The following KLF12 variants were observed in gnomAD, a reference collection of about 807,000 sequenced individuals.
The protein encoded by KLF12 is KLF transcription factor 12, also known as Krueppel-like factor 12.
KLF12 carries 9 observed loss-of-function variants against 37.8 expected under a neutral mutation model. That is an observed-to-expected ratio of 0.24 (90% CI 0.14 to 0.42). The LOEUF is 0.42. KLF12 is among the 10% of genes least tolerant of loss of function. The pLI is 1.00. For missense variants in KLF12, 411 were observed against 516.0 expected (o/e 0.80, Z 1.97); for synonymous variants, 208 against 202.1 (o/e 1.03, Z -0.25).
intron 6 of KLF12, among the ~76,000 whole-genome samples, chr13:73,758,916 G>T (rs1344773202): frequency 2.0e-5 from 3 of 152,134 alleles, no homozygotes; most frequent in Admixed American, 1.3e-4. Flanking sequence ...CTTTCATACG[G>T]TCACTTTGGA....
intron 1 of KLF12, among the ~76,000 whole-genome samples, chr13:74,068,523 A>C (rs1446630017): frequency 6.7e-6 from 1 of 148,452 alleles, no homozygotes; most frequent in Non-Finnish European, 1.5e-5. Context: ...TAGAAGATGT[A>C]TTTTTTACGT....
intron 2 of KLF12, among the ~76,000 whole-genome samples, chr13:73,983,891 G>A (rs748291918): frequency 1.7e-4 from 26 of 152,338 alleles, no homozygotes; most frequent in Non-Finnish European, 3.2e-4. Flanking sequence ...TCTCAGAGTC[G>A]TGCAGAATTC....
the KLF12 span, among the ~76,000 whole-genome samples, chr13:74,278,373 T>A: frequency 1.3e-5 from 2 of 152,192 alleles, no homozygotes; most frequent in Non-Finnish European, 2.9e-5. Flanking sequence ...GTGGAAACTG[T>A]CATGTGTTCA....
intron 1 of KLF12, among the ~76,000 whole-genome samples, chr13:74,092,718 G>C (rs1417942650): frequency 2.6e-5 from 4 of 152,054 alleles, no homozygotes; most frequent in Non-Finnish European, 5.9e-5. Context: ...CAAGATCCTA[G>C]TATTCAGAAT....
At chr13:74,184,236 T>C in the KLF12 span, among the ~76,000 whole-genome samples, 3 of 152,188 alleles carry the variant, frequency 2.0e-5, no homozygotes, top group African/African-American at 4.8e-5. Context: ...ACAGATTATA[T>C]TCTTATATCA....
the KLF12 span, among the ~76,000 whole-genome samples, chr13:74,281,780 T>C: frequency 6.6e-6 from 1 of 152,186 alleles, no homozygotes; most frequent in Admixed American, 6.5e-5. Context: ...GGGGTGGATA[T>C]TTTTCTTGCA....
chr13:74,148,857 C>T, the KLF12 span, among the ~76,000 whole-genome samples: 1 of 151,522 alleles, frequency 6.6e-6, no homozygotes, highest in Admixed American at 6.6e-5. Context: ...CTCTGTCACC[C>T]AGGCTGGAGT....
chr13:74,300,347 G>A, the KLF12 span, among the ~76,000 whole-genome samples: 1 of 152,144 alleles, frequency 6.6e-6, no homozygotes, highest in Non-Finnish European at 1.5e-5. Flanking sequence ...GTTCTACACA[G>A]TAGCCATTGT....
chr13:73,768,352 G>T (rs182140220), intron 5 of KLF12, among the ~76,000 whole-genome samples: 2 of 152,310 alleles, frequency 1.3e-5, no homozygotes, highest in South Asian at 4.1e-4. Flanking sequence ...GAAAGGATGG[G>T]AAGTCAGAGG....
chr13:73,760,620 G>C (rs1441864983), intron 6 of KLF12, among the ~76,000 whole-genome samples: 1 of 152,086 alleles, frequency 6.6e-6, no homozygotes, highest in East Asian at 1.9e-4. Flanking sequence ...ACCACATTTG[G>C]CCAATGATTA....
intron 3 of KLF12, among the ~76,000 whole-genome samples, chr13:73,914,224 C>T (rs1033009069): frequency 6.6e-6 from 1 of 152,214 alleles, no homozygotes; most frequent in Non-Finnish European, 1.5e-5. Flanking sequence ...CCTTCTCTGG[C>T]ACCCGGGTTT....
intron 3 of KLF12, among the ~76,000 whole-genome samples, chr13:73,887,784 T>G (rs1472652633): frequency 6.6e-6 from 1 of 152,182 alleles, no homozygotes; most frequent in Admixed American, 6.5e-5. Flanking sequence ...CTTTGTAAAT[T>G]CCAGAATAAG....
At chr13:74,082,981 T>C (rs1229087270) in intron 1 of KLF12, among the ~76,000 whole-genome samples, 2 of 152,018 alleles carry the variant, frequency 1.3e-5, no homozygotes, top group African/African-American at 4.8e-5. Flanking sequence ...TAAAGAAAAA[T>C]GTTTCAACAA....
intron 5 of KLF12, chr13:73,812,902 G>A: frequency 2.9e-6 from 1 of 350,102 alleles, no homozygotes; most frequent in South Asian, 1.3e-4. Flanking sequence ...TTCAGGAGAA[G>A]GGTGCAGGAG....
At position 74,043,257 on chromosome 13, in the gene KLF12, T is replaced by A. The variant is rs1409474509; in HGVS notation, c.-31-48204A>T. Among the ~76,000 whole-genome samples, 53 of 152,194 alleles carry A rather than the reference T, an allele frequency of 3.5e-4. 1 individual carries two copies. Among genetic ancestry groups the A allele is most frequent in the Admixed American group, 3.3e-3 (50 of 15,278 alleles). On this transcript the variant is annotated intron_variant, in intron 1 of 7. Transcript: ENST00000377669. ...GATTAAATGTTTCAAACCTCAAAAA[T>A]TAATGCATTCAAATGCTTCAAAGGA...
chr13:73,723,661 G>C (rs1876440759), intron 6 of KLF12, among the ~76,000 whole-genome samples: 1 of 152,140 alleles, frequency 6.6e-6, no homozygotes, highest in African/African-American at 2.4e-5. Flanking sequence ...GAACACATCT[G>C]ATTTGGGGAC....
At chr13:74,176,157 C>T in the KLF12 span, among the ~76,000 whole-genome samples, 2 of 152,122 alleles carry the variant, frequency 1.3e-5, no homozygotes, top group African/African-American at 4.8e-5. Flanking sequence ...CTTATTATTC[C>T]TCCTTATCAG....
intron 1 of KLF12, among the ~76,000 whole-genome samples, chr13:74,033,558 T>A (rs1462045698): frequency 6.6e-6 from 1 of 152,224 alleles, no homozygotes; most frequent in Non-Finnish European, 1.5e-5. Flanking sequence ...AATGCTATTT[T>A]GTAATCTACT....
At chr13:73,751,818 G>T (rs549494300) in intron 6 of KLF12, among the ~76,000 whole-genome samples, 1 of 152,178 alleles carries the variant, frequency 6.6e-6, no homozygotes, top group East Asian at 1.9e-4. Flanking sequence ...GAGCAGTCCG[G>T]GGCTGGACAT....
Sources: allele counts gnomAD v4.1 joint callset (sites outside exome capture counted in the v4.1 genomes callset), GRCh38; gene constraint gnomAD v4.1.1; transcripts MANE v1.5; gene names NCBI Gene and HGNC (gene_info 2026-07-23, HGNC 2026-07-21).